PTGDR: variants seen among roughly 807,000 people sequenced by gnomAD.
The protein encoded by PTGDR is prostaglandin D2 receptor.
Under a neutral mutation model 17.4 loss-of-function variants are expected in PTGDR, and 19 were observed. The observed-to-expected ratio is 1.09, with a 90% CI of 0.76 to 1.60. The LOEUF (loss-of-function observed/expected upper bound fraction) is 1.60, where lower values mean the gene tolerates loss of function less well. Among genes scored for constraint, PTGDR ranks in the 40% most tolerant of loss-of-function variants. The pLI is 0.00. For missense variants in PTGDR, 526 were observed against 481.9 expected (o/e 1.09, Z -0.86); for synonymous variants, 267 against 224.2 (o/e 1.19, Z -1.71).
chr14:52,274,635 G>A (rs1017893513), intron 1 of PTGDR, 96 bp from the exon 2 acceptor site: 5 of 1,071,878 alleles, frequency 4.7e-6, no homozygotes, highest in Middle Eastern at 2.0e-4. Context: ...TCCAAGCTAA[G>A]CTGTCATGTT....
chr14:52,280,510 G>C (rs1283737929), downstream of PTGDR, among the ~76,000 whole-genome samples: 1 of 152,136 alleles, frequency 6.6e-6, no homozygotes, highest in Non-Finnish European at 1.5e-5. Flanking sequence ...TTCACATTTT[G>C]TCCACACGGA....
Position 52,268,652 on chromosome 14 carries a change from C to A in PTGDR, c.838C>A (p.Pro280Thr), listed in dbSNP as rs1290760959. 8 of 1,567,534 alleles carry A rather than the reference C, an allele frequency of 5.1e-6. No homozygotes were observed. Among genetic ancestry groups the A allele is most frequent in the Non-Finnish European group, 6.9e-6 (8 of 1,156,004 alleles). ...MTVLFTMCSLPVIYRAYYGAF... is the reference protein window; with the variant it reads ...MTVLFTMCSLTVIYRAYYGAF... The stretch of plus-strand genomic sequence containing the variant: ...CGTGCTCTTCACTATGTGTTCTCTG[C>A]CCGTAATTGTGAGTCCCCGGGCCCC... Residue 280 changes from proline (P) to threonine (T), a missense_variant, in exon 1 of 2, where the codon CCC (proline) becomes ACC (threonine). By Grantham distance (38) the Pro-to-Thr change is conservative. Transcript: ENST00000306051.
downstream of PTGDR, among the ~76,000 whole-genome samples, chr14:52,277,473 A>G (rs1266300325): frequency 1.3e-5 from 2 of 152,262 alleles, no homozygotes; most frequent in African/African-American, 2.4e-5. Context: ...TTGTATATCA[A>G]CAACAAGCAA....
chr14:52,268,104 C>T lies in PTGDR; in HGVS notation c.290C>T (p.Ala97Val), dbSNP rs141737848. Residue 97 changes from alanine to valine, a missense_variant, in exon 1 of 2, where the codon GCG becomes GTG. Physicochemically the swap from Ala to Val is moderately conservative, Grantham distance 64. Transcript: ENST00000306051. ...YAQNRSLRVL[A>V]PALDNSLCQA... ...CAGAACCGGAGTCTGCGGGTGCTTG[C>T]GCCCGCATTGGACAACTCGTTGTGC... 3.7e-4 allele frequency: 590 copies of T among 1,613,876 alleles called. No homozygotes were observed. Among genetic ancestry groups the T allele is most frequent in the Non-Finnish European group, 3.1e-4 (369 of 1,180,062 alleles).
At chr14:52,271,938 G>A (rs149891750) in intron 1 of PTGDR, among the ~76,000 whole-genome samples, 1 of 152,250 alleles carries the variant, frequency 6.6e-6, no homozygotes, top group East Asian at 1.9e-4. Flanking sequence ...AAGCTATATG[G>A]TTAAGTTGAC....
chr14:52,268,716 G>T, intron 1 of PTGDR, 56 bp downstream of exon 1: 2 of 1,497,258 alleles, frequency 1.3e-6, no homozygotes, highest in East Asian at 4.6e-5. Context: ...CCGCGGATGC[G>T]GGGCGGGAAG....
rs142932547 is a variant in PTGDR at position 52,274,812 on chromosome 14, C to T, written c.928C>T (p.Arg310Ter). The T allele has an allele frequency of 1.6e-4, 253 of 1,612,962 alleles. No homozygotes were observed. In the African/African-American group the frequency reaches 2.9e-3, roughly 19 times the overall value. ...AGAAGCAGAAGACCTCCGAGCCTTG[C>T]GATTTCTATCTGTGATTTCAATTGT... ...SEEAEDLRAL[R>*]FLSVISIVDP... Residue 310 changes from arginine (R) to a stop codon, truncating the protein, a stop_gained, in exon 2 of 2, where the codon CGA becomes TGA. Coordinates refer to ENST00000306051, the MANE Select transcript of PTGDR (RefSeq NM_000953.3). LOFTEE classifies it high-confidence loss of function.
Position 52,267,874 on chromosome 14 carries a change from G to C in PTGDR, c.60G>C (p.Ala20=), listed in dbSNP as rs775321813. The part of the protein sequence containing the change: ...NTTSVEKGNS[A]VMGGVLFSTG... ...CCTCTGTGGAAAAAGGCAACTCGGCGGTGATGGGCGGGGTGCTCTTCAGCA... is the reference window on the plus strand; with the variant it reads ...CCTCTGTGGAAAAAGGCAACTCGGCCGTGATGGGCGGGGTGCTCTTCAGCA... Residue 20 remains alanine, a synonymous_variant, in exon 1 of 2, where the codon GCG becomes GCC. Coordinates refer to ENST00000306051, the MANE Select transcript of PTGDR (RefSeq NM_000953.3). 2 of 1,602,820 alleles carry C rather than the reference G, an allele frequency of 1.2e-6. No homozygotes were observed. Among genetic ancestry groups the C allele is most frequent in the Non-Finnish European group, 1.7e-6 (2 of 1,173,918 alleles).
Position 52,268,631 on chromosome 14 carries a change from C to A in PTGDR, c.817C>A (p.Leu273Ile). 6.3e-7 allele frequency: 1 copy of A among 1,598,322 alleles called. No homozygotes were observed. ...HLLLLALMTVLFTMCSLPVIY... is the reference protein window; with the variant it reads ...HLLLLALMTVIFTMCSLPVIY... ...CCTGCTGCTGGCGCTGATGACCGTG[C>A]TCTTCACTATGTGTTCTCTGCCCGT... Residue 273 changes from leucine to isoleucine, a missense_variant, in exon 1 of 2, where the codon CTC becomes ATC. By Grantham distance (5) the Leu-to-Ile change is conservative. Transcript: ENST00000306051.
chr14:52,271,911 G>C (rs373659263), intron 1 of PTGDR, among the ~76,000 whole-genome samples: 2 of 152,182 alleles, frequency 1.3e-5, no homozygotes, highest in East Asian at 3.9e-4. Flanking sequence ...TCTGAAGGGG[G>C]AGACATGGGT....
rs201914620 is a variant in PTGDR at position 52,267,744 on chromosome 14, T to C, written c.-71T>C. ...AGCCGCGCGCGGAGCTGCCGGGGGCTCCTTAGCACCCGGGCGCCGGGGCCC... is the reference window on the plus strand; with the variant it reads ...AGCCGCGCGCGGAGCTGCCGGGGGCCCCTTAGCACCCGGGCGCCGGGGCCC... On this transcript the variant is annotated 5_prime_UTR_variant, in exon 1 of 2. Coordinates refer to ENST00000306051, the MANE Select transcript of PTGDR (RefSeq NM_000953.3). The C allele has an allele frequency of 2.1e-6, 3 of 1,456,310 alleles. No individual in the cohort carries two copies. The highest frequency in any genetic ancestry group is 1.5e-5 in the South Asian group (1 of 66,894). 90.2% of individuals were successfully genotyped at this position (1,456,310 alleles called of 1,614,324 possible).
At chr14:52,279,295 G>A (rs1325067849), downstream of PTGDR, among the ~76,000 whole-genome samples, 2 of 152,072 alleles carry the variant, frequency 1.3e-5, no homozygotes, top group Non-Finnish European at 2.9e-5. Context: ...AGTACACGTA[G>A]GAGAAAATAT....
Position 52,268,132 on chromosome 14 carries a change from A to T in PTGDR, c.318A>T (p.Gln106His). ...LAPALDNSLC[Q>H]AFAFFMSFFG... is the part of the protein sequence containing the mutation. ...CCGCATTGGACAACTCGTTGTGCCA[A>T]GCCTTCGCCTTCTTCATGTCCTTCT... Residue 106 changes from glutamine to histidine, a missense_variant, in exon 1 of 2, where the codon CAA (glutamine) becomes CAT (histidine). Coordinates refer to ENST00000306051, the MANE Select transcript of PTGDR (RefSeq NM_000953.3). 1 of 1,614,134 alleles carries T rather than the reference A, an allele frequency of 6.2e-7. No individual in the cohort carries two copies. Among genetic ancestry groups the T allele is most frequent in the Non-Finnish European group, 8.5e-7 (1 of 1,180,040 alleles).
chr14:52,271,554 A>C (rs1319063570), intron 1 of PTGDR, among the ~76,000 whole-genome samples: 1 of 152,250 alleles, frequency 6.6e-6, no homozygotes, highest in Non-Finnish European at 1.5e-5. Flanking sequence ...TGATTTGATG[A>C]CAATAAGGTT....
In PTGDR at chr14:52,268,350, C is replaced by G; in HGVS notation, c.536C>G (p.Pro179Arg). The G allele has an allele frequency of 6.2e-7, 1 of 1,613,414 alleles. No homozygotes were observed. The change falls in exon 1 of 2, where the codon CCC becomes CGC. Residue 179 changes from proline to arginine, a missense_variant. By Grantham distance (103) the Pro-to-Arg change is moderately radical (BLOSUM62 -2). Transcript: ENST00000306051. ...MGFGKFVQYC[P>R]GTWCFIQMVH... ...TTCGGGAAGTTCGTGCAGTACTGCC[C>G]CGGCACCTGGTGCTTTATCCAGATG...
downstream of PTGDR, among the ~76,000 whole-genome samples, chr14:52,278,786 T>A (rs1010969861): frequency 6.6e-6 from 1 of 152,190 alleles, no homozygotes; most frequent in Non-Finnish European, 1.5e-5. Flanking sequence ...TGCAGACATT[T>A]AATTGGGCAC....
At position 52,268,067 on chromosome 14, in the gene PTGDR, G is replaced by T. The variant is rs200025193; in HGVS notation, c.253G>T (p.Ala85Ser). The T allele has an allele frequency of 9.9e-5, 159 of 1,612,976 alleles. No homozygotes were observed. The highest frequency in any genetic ancestry group is 1.3e-4 in the Non-Finnish European group (156 of 1,180,044). The change falls in exon 1 of 2, where the codon GCT (alanine) becomes TCT (serine). Residue 85 changes from alanine (A) to serine (S), a missense_variant. By Grantham distance (99) the Ala-to-Ser change is moderately conservative (BLOSUM62 1). Coordinates refer to ENST00000306051, the MANE Select transcript of PTGDR (RefSeq NM_000953.3). Reference protein sequence around the residue: ...GKCLLSPVVLAAYAQNRSLRV... With the variant: ...GKCLLSPVVLSAYAQNRSLRV... ...GTGCCTCCTAAGCCCGGTGGTGCTG[G>T]CTGCCTACGCTCAGAACCGGAGTCT... is the stretch of plus-strand genomic sequence containing the variant.
At position 52,268,651 on chromosome 14, in the gene PTGDR, GC is replaced by G; in HGVS notation, c.840del (p.Val281Ter). 1 of 1,567,906 alleles carries G rather than the reference GC, an allele frequency of 6.4e-7. No individual in the cohort carries two copies. The highest frequency in any genetic ancestry group is 8.6e-7 in the Non-Finnish European group (1 of 1,156,192). ...MTVLFTMCSL[P>X]VIYRAYYGAF... ...CCGTGCTCTTCACTATGTGTTCTCT[GC>G]CCGTAATTGTGAGTCCCCGGGCCCC... is the stretch of plus-strand genomic sequence containing the variant. On this transcript the variant is annotated frameshift_variant, in exon 1 of 2. Coordinates refer to ENST00000306051, the MANE Select transcript of PTGDR (RefSeq NM_000953.3). LOFTEE classifies it low-confidence loss of function (END_TRUNC).
chr14:52,269,492 G>C (rs1230520425), intron 1 of PTGDR: 1 of 1,535,356 alleles, frequency 6.5e-7, no homozygotes, highest in South Asian at 1.2e-5. Context: ...CTGGGAGTAG[G>C]TGAGGCTTGA....
Sources: gnomAD v4.1 joint callset for allele counts (sites outside exome capture counted in the v4.1 genomes callset) on GRCh38, gnomAD v4.1.1 for gene constraint, MANE v1.5 for transcripts, NCBI Gene and HGNC (gene_info 2026-07-23, HGNC 2026-07-21) for gene names.